The following FEZ1 variants were observed in gnomAD, a reference collection of about 807,000 sequenced individuals.
FEZ1 encodes fasciculation and elongation protein zeta-1.
A neutral mutation model predicts 49.3 loss-of-function variants in FEZ1; 20 were observed. That is an observed-to-expected ratio of 0.41 (90% CI 0.29 to 0.59). FEZ1 has a LOEUF of 0.59. Among genes scored for constraint, FEZ1 ranks in the 20% least tolerant of loss-of-function variants. The pLI is 0.36. For synonymous variants in FEZ1, 170 were observed against 180.9 expected (o/e 0.94, Z 0.48); for missense variants, 413 against 476.0 (o/e 0.87, Z 1.23).
Position 125,469,540 on chromosome 11 carries a change from G to T in FEZ1, c.412-5970C>A, listed in dbSNP as rs374595622. On this transcript the variant is annotated intron_variant, in intron 3 of 9. Transcript: ENST00000278919. ...CTCCTAAAGTGTTGAGATTACAGGC[G>T]TGAGCTATCACCAGCCATTTTTTTT... Among the ~76,000 whole-genome samples, 61 of 152,258 alleles carry T rather than the reference G, an allele frequency of 4.0e-4. No individual in the cohort carries two copies. The South Asian group carries it at 7.3e-3, about 18-fold the overall frequency.
chr11:125,456,226 T>G, intron 5 of FEZ1, 120 bp from the exon 6 acceptor site: 1 of 943,256 alleles, frequency 1.1e-6, no homozygotes, highest in Non-Finnish European at 1.5e-6. Context: ...CCCTTCCAAC[T>G]CCTTAAAGAT....
In FEZ1 at chr11:125,455,911, A is replaced by G. The variant is rs768989637; in HGVS notation, c.863T>C (p.Met288Thr). The part of the protein sequence containing the change: ...QNKQKEQREL[M>T]KKRRKEKGLS... The stretch of plus-strand genomic sequence containing the variant: ...CCCTTTCTCTTTCCGCCTCTTTTTC[A>G]TCAGTTCTCGCTGCTCCTTCTGCTT... Residue 288 changes from methionine to threonine, a missense_variant, in exon 6 of 10, where the codon ATG becomes ACG. Physicochemically the swap from Met to Thr is moderately conservative, Grantham distance 81. Transcript: ENST00000278919. 2.5e-6 allele frequency: 4 copies of G among 1,613,022 alleles called. No homozygotes were observed. The highest frequency in any genetic ancestry group is 3.4e-6 in the Non-Finnish European group (4 of 1,179,852).
At chr11:125,468,214 A>G (rs1399226086) in intron 3 of FEZ1, among the ~76,000 whole-genome samples, 1 of 151,944 alleles carries the variant, frequency 6.6e-6, no homozygotes, top group Admixed American at 6.6e-5. Context: ...GTCTCACAAT[A>G]TCACCCAGGC....
At chr11:125,450,490 AT>A (rs1170440532) in intron 8 of FEZ1, among the ~76,000 whole-genome samples, 3 of 152,342 alleles carry the variant, frequency 2.0e-5, no homozygotes, top group Non-Finnish European at 4.4e-5. Flanking sequence ...AATCTCCAAA[AT>A]CTAAAATTTA....
At chr11:125,484,439 C>A (rs548271192) in intron 2 of FEZ1, among the ~76,000 whole-genome samples, 1 of 152,178 alleles carries the variant, frequency 6.6e-6, no homozygotes, top group Non-Finnish European at 1.5e-5. Context: ...TAATTGGCAT[C>A]GGTATGGGCA....
At chr11:125,457,763 TTA>T (rs1451091454) in intron 5 of FEZ1, among the ~76,000 whole-genome samples, 1 of 152,018 alleles carries the variant, frequency 6.6e-6, no homozygotes, top group Non-Finnish European at 1.5e-5. Context: ...CATTTTTCCT[TTA>T]TGTCACAAAC....
At chr11:125,468,083 A>G (rs1591591422) in intron 3 of FEZ1, among the ~76,000 whole-genome samples, 1 of 152,196 alleles carries the variant, frequency 6.6e-6, no homozygotes, top group Non-Finnish European at 1.5e-5. Flanking sequence ...GTAAATGTAC[A>G]TTTATTTATT....
chr11:125,448,719 T>A, intron 8 of FEZ1, 152 bp from the exon 9 acceptor site: 1 of 608,270 alleles, frequency 1.6e-6, no homozygotes, highest in East Asian at 2.8e-5. Flanking sequence ...GAAGGCTCTA[T>A]CAGGGGTCAG....
rs1471579287 is a variant in FEZ1 at position 125,443,963 on chromosome 11, G to T, written c.*2132C>A. ...TGACAAATCCAAGGCAGGAAGAAAA[G>T]CTCTCAGGAATTCACTGCTTCCCCT... is the stretch of plus-strand genomic sequence containing the variant. On this transcript the variant is annotated 3_prime_UTR_variant, in exon 10 of 10. Transcript: ENST00000278919. 1.3e-5 allele frequency among the ~76,000 whole-genome samples: 2 copies of T among 152,314 alleles called. No homozygotes were observed. Among genetic ancestry groups the T allele is most frequent in the African/African-American group, 2.4e-5 (1 of 41,562 alleles).
intron 3 of FEZ1, among the ~76,000 whole-genome samples, chr11:125,479,551 C>T (rs1293878884): frequency 2.0e-5 from 3 of 152,152 alleles, no homozygotes; most frequent in Admixed American, 1.3e-4. Flanking sequence ...ATGTCCCACC[C>T]CCCAAATTTA....
Position 125,456,075 on chromosome 11 carries a change from G to A in FEZ1, c.699C>T (p.Thr233=), listed in dbSNP as rs755860059. The A allele has an allele frequency of 2.1e-5, 33 of 1,607,942 alleles. No individual in the cohort carries two copies. The highest frequency in any genetic ancestry group is 6.7e-5 in the African/African-American group (5 of 74,606). Residue 233 remains threonine (T), a synonymous_variant, in exon 6 of 10, where the codon ACC becomes ACT. Coordinates refer to ENST00000278919, the MANE Select transcript of FEZ1 (RefSeq NM_005103.5). ...GLRHMSGSEL[T]ELLDQVEGAI... is the part of the protein sequence containing the mutation. ...CACCCTCCACCTGGTCCAGCAGCTC[G>A]GTCAGCTCAGACCCAGACATGTGCC...
intron 3 of FEZ1, among the ~76,000 whole-genome samples, chr11:125,470,434 A>G (rs1957174725): frequency 6.6e-6 from 1 of 152,216 alleles, no homozygotes; most frequent in South Asian, 2.1e-4. Flanking sequence ...AAATATTCAG[A>G]AGATCAGCTT....
At chr11:125,488,305 A>G (rs1199273603) in intron 2 of FEZ1, among the ~76,000 whole-genome samples, 1 of 152,224 alleles carries the variant, frequency 6.6e-6, no homozygotes, top group Non-Finnish European at 1.5e-5. Flanking sequence ...GAACTTTATC[A>G]TATGTACGTA....
In FEZ1 at chr11:125,444,016, G is replaced by A. The variant is rs578032451; in HGVS notation, c.*2079C>T. ...GCTGAGGCTGGTGAAAAACCCCGTC[G>A]CCGGCAGAGTGCTAAACATGCTAAT... On this transcript the variant is annotated 3_prime_UTR_variant, in exon 10 of 10. Coordinates refer to ENST00000278919, the MANE Select transcript of FEZ1 (RefSeq NM_005103.5). 2.0e-5 allele frequency among the ~76,000 whole-genome samples: 3 copies of A among 152,304 alleles called. No homozygotes were observed. Among genetic ancestry groups the A allele is most frequent in the South Asian group, 2.1e-4 (1 of 4,824 alleles).
rs958001323 is a variant in FEZ1 at position 125,446,007 on chromosome 11, C to T, written c.*88G>A. 3.9e-6 allele frequency: 5 copies of T among 1,285,092 alleles called. No individual in the cohort carries two copies. The highest frequency in any genetic ancestry group is 1.7e-5 in the Admixed American group (1 of 59,518). The allele number at this position is 1,285,092 out of a possible 1,614,324, so 79.6% of individuals were successfully genotyped here. On this transcript the variant is annotated 3_prime_UTR_variant, in exon 10 of 10. Coordinates refer to ENST00000278919, the MANE Select transcript of FEZ1 (RefSeq NM_005103.5). The stretch of plus-strand genomic sequence containing the variant: ...AAGCTATACACGTTTAAATACATGT[C>T]GGAGGTTACATGGTCTCATGCAGTC...
intron 3 of FEZ1, among the ~76,000 whole-genome samples, chr11:125,481,103 T>C (rs114287282): frequency 0.02 from 2,984 of 152,144 alleles, 98 homozygotes; most frequent in African/African-American, 0.065. Context: ...ACCAACCTAA[T>C]AGAAGTGATC....
chr11:125,455,132 C>G (rs185313374), intron 6 of FEZ1, among the ~76,000 whole-genome samples: 1 of 151,476 alleles, frequency 6.6e-6, no homozygotes, highest in Non-Finnish European at 1.5e-5. Context: ...GGCTCATGCC[C>G]GTAATCCCAA....
Position 125,489,432 on chromosome 11 carries a change from G to C in FEZ1, c.311+35C>G. 1 of 1,576,862 alleles carries C rather than the reference G, an allele frequency of 6.3e-7. No homozygotes were observed. Among genetic ancestry groups the C allele is most frequent in the Non-Finnish European group, 8.6e-7 (1 of 1,163,138 alleles). On this transcript the variant is annotated intron_variant, in intron 2 of 9. Transcript: ENST00000278919. The surrounding 1 kb of genome is among the most constrained non-coding windows in gnomAD (Gnocchi z 4.2). Reference sequence around the variant, plus strand: ...AGGAGACAAGGACTACAGGGCTCTCGACTGAAGCAGGAGAGGGCAATTAAG... The same window carrying C: ...AGGAGACAAGGACTACAGGGCTCTCCACTGAAGCAGGAGAGGGCAATTAAG...
At position 125,489,382 on chromosome 11, in the gene FEZ1, A is replaced by G. The variant is rs1565305115; in HGVS notation, c.311+85T>C. On this transcript the variant is annotated intron_variant, in intron 2 of 9. Transcript: ENST00000278919. This position sits in a 1 kb window ranked among gnomAD's most constrained non-coding sequence, Gnocchi z 4.2. The stretch of plus-strand genomic sequence containing the variant: ...AATGAAAGTAATAGCCCATAAACCT[A>G]TAGACAGAAACCAGCACTATGTCAA... The G allele has an allele frequency of 1.3e-6, 2 of 1,521,966 alleles. No homozygotes were observed. The highest frequency in any genetic ancestry group is 1.8e-6 in the Non-Finnish European group (2 of 1,138,988). The allele number at this position is 1,521,966 out of a possible 1,614,324, so 94.3% of individuals were successfully genotyped here.
Sources: allele counts gnomAD v4.1 joint callset (sites outside exome capture counted in the v4.1 genomes callset), GRCh38; gene constraint gnomAD v4.1.1; non-coding constraint Gnocchi (gnomAD v3.1); transcripts MANE v1.5; gene names NCBI Gene and HGNC (gene_info 2026-07-23, HGNC 2026-07-21).